Variants in ANKRD45 observed in about 807,000 individuals in gnomAD.
The protein encoded by ANKRD45 is ankyrin repeat domain 45.
A neutral mutation model predicts 28.1 loss-of-function variants in ANKRD45; 21 were observed. The observed-to-expected ratio is 0.75, with a 90% CI of 0.53 to 1.08. The LOEUF (loss-of-function observed/expected upper bound fraction) is 1.08, where lower values mean the gene tolerates loss of function less well. Among genes scored for constraint, ANKRD45 ranks in the 50% least tolerant of loss-of-function variants. The pLI is 0.00. For synonymous variants in ANKRD45, 86 were observed against 103.9 expected (o/e 0.83, Z 1.05); for missense variants, 261 against 308.7 (o/e 0.85, Z 1.16).
chr1:173,619,499 G>A (rs974527189), intron 5 of ANKRD45, among the ~76,000 whole-genome samples: 2 of 152,148 alleles, frequency 1.3e-5, no homozygotes, highest in African/African-American at 4.8e-5. Context: ...CCTAGTTTCT[G>A]ACAAAACAGA....
chr1:173,675,040 A>T, the ANKRD45 span, among the ~76,000 whole-genome samples: 1 of 152,142 alleles, frequency 6.6e-6, no homozygotes, highest in African/African-American at 2.4e-5. Flanking sequence ...TAAGGGAAGG[A>T]AGGAGGAAAA....
At chr1:173,691,368 C>T in the ANKRD45 span, among the ~76,000 whole-genome samples, 2 of 152,286 alleles carry the variant, frequency 1.3e-5, no homozygotes, top group African/African-American at 2.4e-5. Context: ...AACCAGAGAC[C>T]GTCCCCAGAG....
the ANKRD45 span, among the ~76,000 whole-genome samples, chr1:173,688,583 CCTCT>C: frequency 3.8e-4 from 51 of 134,342 alleles, 2 homozygotes; most frequent in African/African-American, 1.2e-3. Flanking sequence ...TCTGCCGCTT[CCTCT>C]CTCTCTCTCT....
At chr1:173,708,563 C>T in the ANKRD45 span, among the ~76,000 whole-genome samples, 1 of 152,180 alleles carries the variant, frequency 6.6e-6, no homozygotes, top group Non-Finnish European at 1.5e-5. Flanking sequence ...ATTACCCAGT[C>T]TAAGGTATTT....
chr1:173,636,019 C>T (rs796529069), intron 3 of ANKRD45, among the ~76,000 whole-genome samples: 14 of 152,218 alleles, frequency 9.2e-5, no homozygotes, highest in African/African-American at 2.9e-4. Flanking sequence ...AGGTGTTCAA[C>T]AAATGTGTAT....
chr1:173,673,111 CTTTT>C (rs201967833), upstream of ANKRD45, among the ~76,000 whole-genome samples: 10 of 138,614 alleles, frequency 7.2e-5, no homozygotes, highest in African/African-American at 1.1e-4. Context: ...CATTTCTATA[CTTTT>C]TTTTTTTTTT....
the ANKRD45 span, among the ~76,000 whole-genome samples, chr1:173,676,207 T>G: frequency 6.6e-6 from 1 of 152,248 alleles, no homozygotes; most frequent in Non-Finnish European, 1.5e-5. Flanking sequence ...AATTGTGTCC[T>G]GTTAAAAATG....
At chr1:173,633,237 C>T (rs1668272710) in intron 3 of ANKRD45, among the ~76,000 whole-genome samples, 1 of 151,692 alleles carries the variant, frequency 6.6e-6, no homozygotes, top group African/African-American at 2.4e-5. Context: ...AAAGTAACTC[C>T]ATTTACAATA....
At chr1:173,624,457 A>G (rs1411163562) in intron 5 of ANKRD45, among the ~76,000 whole-genome samples, 1 of 151,572 alleles carries the variant, frequency 6.6e-6, no homozygotes, top group African/African-American at 2.4e-5. Flanking sequence ...ACTGCACCCC[A>G]GCCTGGGTAA....
intron 3 of ANKRD45, among the ~76,000 whole-genome samples, chr1:173,632,563 A>G (rs531561027): frequency 1.6e-4 from 24 of 151,730 alleles, no homozygotes; most frequent in African/African-American, 5.8e-4. Context: ...CCCCAAAACT[A>G]CAAGCCAATC....
chr1:173,654,591 T>C (rs1448536109), intron 2 of ANKRD45, among the ~76,000 whole-genome samples: 1 of 152,182 alleles, frequency 6.6e-6, no homozygotes, highest in African/African-American at 2.4e-5. Context: ...TTGCCCTTCT[T>C]GAGGATTATC....
intron 2 of ANKRD45, among the ~76,000 whole-genome samples, chr1:173,656,289 T>G (rs1394160352): frequency 6.6e-6 from 1 of 152,244 alleles, no homozygotes; most frequent in Non-Finnish European, 1.5e-5. Flanking sequence ...CTAGTTTCTT[T>G]ATCATTTTGT....
In ANKRD45 at chr1:173,609,220, A is replaced by G. The variant is rs181234679; in HGVS notation, c.*925T>C. Among the ~76,000 whole-genome samples the G allele has an allele frequency of 7.2e-5, 11 of 152,356 alleles. No individual in the cohort carries two copies. The highest frequency in any genetic ancestry group is 5.9e-4 in the Admixed American group (9 of 15,310). On this transcript the variant is annotated 3_prime_UTR_variant, in exon 6 of 6. Transcript: ENST00000333279. The stretch of plus-strand genomic sequence containing the variant: ...CAAAACCATGGTTAAATAAATGTCA[A>G]CTGACAAAGTATTACTGAATTACCC...
the ANKRD45 span, among the ~76,000 whole-genome samples, chr1:173,707,482 G>A: frequency 4.0e-5 from 6 of 151,824 alleles, no homozygotes; most frequent in African/African-American, 1.2e-4. Context: ...ACAGGTGCCC[G>A]CCACCATGCC....
At chr1:173,632,691 A>G (rs1202640723) in intron 3 of ANKRD45, among the ~76,000 whole-genome samples, 2 of 152,096 alleles carry the variant, frequency 1.3e-5, no homozygotes, top group African/African-American at 4.8e-5. Context: ...ATTTATCCCA[A>G]GGATGCAAGG....
intron 1 of ANKRD45, among the ~76,000 whole-genome samples, chr1:173,667,440 A>G (rs1670070298): frequency 6.6e-6 from 1 of 152,192 alleles, no homozygotes; most frequent in Non-Finnish European, 1.5e-5. Context: ...GCAGTGGCTC[A>G]CACCTGTAAT....
chr1:173,696,030 C>T, the ANKRD45 span, among the ~76,000 whole-genome samples: 1 of 152,114 alleles, frequency 6.6e-6, no homozygotes, highest in Non-Finnish European at 1.5e-5. Context: ...TATTTTATTG[C>T]CTTGTGAAGC....
chr1:173,701,291 C>T, the ANKRD45 span, among the ~76,000 whole-genome samples: 1 of 152,164 alleles, frequency 6.6e-6, no homozygotes, highest in Non-Finnish European at 1.5e-5. Context: ...ACTAGAAATA[C>T]CATTTGACCC....
At chr1:173,697,623 T>G in the ANKRD45 span, among the ~76,000 whole-genome samples, 1 of 152,140 alleles carries the variant, frequency 6.6e-6, no homozygotes, top group African/African-American at 2.4e-5. Flanking sequence ...GCTGAGAGAT[T>G]TTGTCACCAC....
Sources: gnomAD v4.1 joint callset for allele counts (sites outside exome capture counted in the v4.1 genomes callset) on GRCh38, gnomAD v4.1.1 for gene constraint, MANE v1.5 for transcripts, NCBI Gene and HGNC (gene_info 2026-07-23, HGNC 2026-07-21) for gene names.